The following KAZN variants were observed in gnomAD, a reference collection of about 807,000 sequenced individuals.
The protein encoded by KAZN is kazrin.
Under a neutral mutation model 87.4 loss-of-function variants are expected in KAZN, and 40 were observed. That is an observed-to-expected ratio of 0.46 (90% CI 0.36 to 0.60). The LOEUF is 0.60. Ranked by LOEUF, KAZN falls within the 20% of genes least tolerant of loss-of-function variation. The pLI, the probability that KAZN is intolerant of heterozygous loss-of-function variation, is 0.00. For synonymous variants in KAZN, 466 were observed against 458.3 expected, an observed-to-expected ratio of 1.02 and a Z score of -0.22; for missense variants, 898 against 1,073.9, an observed-to-expected ratio of 0.84 and a Z score of 2.29.
chr1:14,476,832 T>C (rs78541973), intron 2 of KAZN, among the ~76,000 whole-genome samples: 6,713 of 152,188 alleles, frequency 0.044, 372 homozygotes, highest in African/African-American at 0.12. Context: ...TCTTCCATTC[T>C]CTTCTTTGTC....
intron 1 of KAZN, among the ~76,000 whole-genome samples, chr1:14,947,798 CACCCAAATGGGAGCTGGA>C (rs1662007883): frequency 6.6e-6 from 1 of 152,242 alleles, no homozygotes; most frequent in South Asian, 2.1e-4. Flanking sequence ...ACATAGTGAA[CACCCAAATGGGAGCTGGA>C]ACCCTCAGGT....
chr1:14,205,522 C>A (rs1364276307), intron 2 of KAZN, among the ~76,000 whole-genome samples: 2 of 152,052 alleles, frequency 1.3e-5, no homozygotes, highest in East Asian at 3.9e-4. Context: ...GGAATTGATA[C>A]ACTGTGGCAG....
Position 13,978,893 on chromosome 1 carries a change from G to A in KAZN, c.91+85137G>A, listed in dbSNP as rs563767929. On this transcript the variant is annotated intron_variant, in intron 1 of 16. Transcript: ENST00000636203. ...AGGTGGGAGGATCGCTTGAGCTCAG[G>A]AGCTCAAGACCAGCCTGGGCAACAC... 3.3e-5 allele frequency among the ~76,000 whole-genome samples: 5 copies of A among 151,768 alleles called. 1 individual carries two copies. In the South Asian group the frequency reaches 1.0e-3, roughly 32 times the overall value.
At chr1:14,341,147 C>A (rs1462963040) in intron 2 of KAZN, among the ~76,000 whole-genome samples, 1 of 22,064 alleles carries the variant, frequency 4.5e-5, no homozygotes, top group Non-Finnish European at 7.9e-5. Context: ...CCCGCCTTGG[C>A]CTCCCAAAGT....
chr1:15,101,742 G>A lies in KAZN; in HGVS notation c.1747G>A (p.Glu583Lys), dbSNP rs367972333. Reference sequence around the variant, plus strand: ...CCAGGTCAGCATCCTGCTGGGGATCGAGCTGCTGTACCAAGTGAACTTCAG... The same window carrying A: ...CCAGGTCAGCATCCTGCTGGGGATCAAGCTGCTGTACCAAGTGAACTTCAG... Reference protein sequence around the residue: ...FHQVSILLGIELLYQVNFSRE... With the variant: ...FHQVSILLGIKLLYQVNFSRE... Residue 583 changes from glutamate to lysine, a missense_variant, in exon 11 of 15, where the codon GAG becomes AAG. Physicochemically the swap from Glu to Lys is moderately conservative, Grantham distance 56. This residue lies in a region of KAZN where 521 missense variants were observed against 689.4 expected (regional missense o/e 0.76). Coordinates refer to ENST00000376030, the MANE Select transcript of KAZN (RefSeq NM_201628.3). 1.2e-5 allele frequency: 19 copies of A among 1,587,300 alleles called. No homozygotes were observed. The highest frequency in any genetic ancestry group is 4.0e-5 in the African/African-American group (3 of 74,338).
chr1:13,955,285 A>G (rs1641502300), intron 1 of KAZN, among the ~76,000 whole-genome samples: 1 of 152,142 alleles, frequency 6.6e-6, no homozygotes, highest in African/African-American at 2.4e-5. Context: ...TAACCGTTAT[A>G]CCCGTATGAC....
At chr1:13,983,244 CAGG>C (rs1470137591) in intron 1 of KAZN, among the ~76,000 whole-genome samples, 3 of 152,192 alleles carry the variant, frequency 2.0e-5, no homozygotes, top group Non-Finnish European at 2.9e-5. Context: ...CTCGGGGGCA[CAGG>C]AGCCCACGGA....
At chr1:14,929,219 G>A (rs1054899718) in intron 1 of KAZN, among the ~76,000 whole-genome samples, 2 of 152,300 alleles carry the variant, frequency 1.3e-5, no homozygotes, top group African/African-American at 4.8e-5. Flanking sequence ...GACTCCAAAG[G>A]ACTTGATGTA....
At chr1:13,931,868 C>T (rs746823190) in intron 1 of KAZN, among the ~76,000 whole-genome samples, 9 of 152,288 alleles carry the variant, frequency 5.9e-5, no homozygotes, top group Admixed American at 6.5e-5. Flanking sequence ...AACGGAGTCT[C>T]GCTCTATTGC....
rs1468205775 is a variant in KAZN at position 15,077,330 on chromosome 1, A to T, written c.1222+11577A>T. On this transcript the variant is annotated intron_variant, in intron 8 of 14. Transcript: ENST00000376030. The surrounding 1 kb of genome is among the most constrained non-coding windows in gnomAD (Gnocchi z 4.8). ...GGAGTCCCCGGGCCTGCCTGGCTGT[A>T]GGCGCCCATCTCAATTCACCACCAT... 1.3e-5 allele frequency among the ~76,000 whole-genome samples: 2 copies of T among 151,960 alleles called. No homozygotes were observed. The highest frequency in any genetic ancestry group is 4.8e-5 in the African/African-American group (2 of 41,376).
intron 2 of KAZN, among the ~76,000 whole-genome samples, chr1:14,236,332 G>A (rs1288340630): frequency 6.6e-6 from 1 of 152,154 alleles, no homozygotes; most frequent in Non-Finnish European, 1.5e-5. Context: ...GAGATGGAAG[G>A]GAGGGTTTCG....
chr1:14,671,203 G>A (rs866690555), intron 1 of KAZN, among the ~76,000 whole-genome samples: 2 of 152,178 alleles, frequency 1.3e-5, no homozygotes, highest in East Asian at 1.9e-4. Flanking sequence ...TCTCCACAGC[G>A]CATGCTGCTA....
chr1:14,148,000 A>T (rs1452688730), intron 1 of KAZN, among the ~76,000 whole-genome samples: 1 of 152,046 alleles, frequency 6.6e-6, no homozygotes, highest in Non-Finnish European at 1.5e-5. Flanking sequence ...TGGGAGGATC[A>T]CTTGAGCCCA....
At chr1:14,161,542 G>T (rs923869606) in intron 1 of KAZN, among the ~76,000 whole-genome samples, 1 of 152,202 alleles carries the variant, frequency 6.6e-6, no homozygotes, top group Admixed American at 6.5e-5. Context: ...TGAGTGATTG[G>T]AGAGAGAGCA....
chr1:14,040,190 C>T (rs946278488), intron 1 of KAZN, among the ~76,000 whole-genome samples: 43 of 151,994 alleles, frequency 2.8e-4, no homozygotes, highest in African/African-American at 1.0e-3. Context: ...TAAACCCAAC[C>T]TGGGTGACTC....
intron 2 of KAZN, among the ~76,000 whole-genome samples, chr1:15,023,368 C>T (rs189300653): frequency 1.3e-3 from 192 of 152,098 alleles, no homozygotes; most frequent in African/African-American, 4.0e-3. Context: ...AAGAGGTTGC[C>T]GAGAAAGGCA....
At chr1:14,803,773 G>A (rs1334229452) in intron 1 of KAZN, among the ~76,000 whole-genome samples, 1 of 152,224 alleles carries the variant, frequency 6.6e-6, no homozygotes, top group Non-Finnish European at 1.5e-5. Flanking sequence ...TCCACGGAGG[G>A]CTGGCACTCC....
intron 2 of KAZN, among the ~76,000 whole-genome samples, chr1:14,321,782 T>TTA (rs1247219916): frequency 1.3e-5 from 2 of 152,178 alleles, no homozygotes; most frequent in African/African-American, 4.8e-5. Context: ...GATTACAACT[T>TTA]ATTAAAGAGA....
In KAZN at chr1:14,598,892, G is replaced by A; in HGVS notation, c.-106G>A. 2.7e-6 allele frequency: 4 copies of A among 1,490,460 alleles called. No individual in the cohort carries two copies. The highest frequency in any genetic ancestry group is 3.5e-6 in the Non-Finnish European group (4 of 1,130,336). The allele number at this position is 1,490,460 out of a possible 1,614,324, so 92.3% of individuals were successfully genotyped here. ...GGGGTCGGGGCGCGGGCGAAGCCGG[G>A]CCGCGGAGGACACAACAGGTAGAGC... On this transcript the variant is annotated 5_prime_UTR_variant, in exon 1 of 15. Coordinates refer to ENST00000376030, the MANE Select transcript of KAZN (RefSeq NM_201628.3). This position sits in a 1 kb window ranked among gnomAD's most constrained non-coding sequence, Gnocchi z 4.2.
Sources: gnomAD v4.1 joint callset for allele counts (sites outside exome capture counted in the v4.1 genomes callset) on GRCh38, gnomAD v4.1.1 for gene constraint, gnomAD v4.1.1 regional missense constraint, Gnocchi (gnomAD v3.1) non-coding constraint, MANE v1.5 for transcripts, NCBI Gene and HGNC (gene_info 2026-07-23, HGNC 2026-07-21) for gene names.